Variants in PICALM observed in about 807,000 individuals in gnomAD.
PICALM encodes phosphatidylinositol binding clathrin assembly protein, also known as phosphatidylinositol-binding clathrin assembly protein.
Under a neutral mutation model 80.5 loss-of-function variants are expected in PICALM, and 40 were observed. The observed-to-expected ratio is 0.50, with a 90% confidence interval of 0.39 to 0.65. The LOEUF is 0.65. PICALM is among the 30% of genes least tolerant of loss of function. PICALM has a pLI of 0.00. For synonymous variants in PICALM, 288 were observed against 260.3 expected (o/e 1.11, Z -1.02); for missense variants, 676 against 778.9 (o/e 0.87, Z 1.57).
intron 19 of PICALM, among the ~76,000 whole-genome samples, chr11:85,971,945 G>A (rs1034318842): frequency 2.0e-5 from 3 of 151,898 alleles, no homozygotes; most frequent in Non-Finnish European, 2.9e-5. Context: ...ACCAAGCCCA[G>A]CAATTTTTTG....
At chr11:85,974,621 G>C (rs1439387630) in intron 19 of PICALM, 87 bp downstream of exon 19, 1 of 865,802 alleles carries the variant, frequency 1.2e-6, no homozygotes, top group African/African-American at 1.7e-5. Context: ...CTAGTAACTT[G>C]TTTCTCAAGT....
At chr11:86,020,447 T>C (rs534079024) in intron 4 of PICALM, among the ~76,000 whole-genome samples, 5 of 108,600 alleles carry the variant, frequency 4.6e-5, no homozygotes, top group South Asian at 5.6e-4. Flanking sequence ...AAAAAAAGAA[T>C]AGAATTGGAA....
chr11:86,007,995 C>T lies in PICALM; in HGVS notation c.766-412G>A, dbSNP rs577828688. ...ATTTAAGAAACAAACCTGAAGACAT[C>T]GACTTTGTCTTTCTCCATAAAACAT... On this transcript the variant is annotated intron_variant, in intron 7 of 19. Coordinates refer to ENST00000393346, the MANE Select transcript of PICALM (RefSeq NM_007166.4). Among the ~76,000 whole-genome samples, 8 of 152,052 alleles carry T rather than the reference C, an allele frequency of 5.3e-5. 1 individual carries two copies. Among genetic ancestry groups the T allele is most frequent in the Admixed American group, 4.6e-4 (7 of 15,262 alleles).
intron 5 of PICALM, among the ~76,000 whole-genome samples, chr11:86,014,501 T>C (rs970884781): frequency 1.3e-5 from 2 of 152,250 alleles, no homozygotes; most frequent in East Asian, 1.9e-4. Flanking sequence ...ATAATTGCCA[T>C]GCTTTGAGTC....
chr11:86,069,545 G>T (rs1006904399), upstream of PICALM: 1 of 152,344 alleles, frequency 6.6e-6, no homozygotes, highest in Non-Finnish European at 1.5e-5. Flanking sequence ...GAAGTGGGGG[G>T]TATTAGGCCT....
intron 1 of PICALM, among the ~76,000 whole-genome samples, chr11:86,062,771 A>G (rs1403246123): frequency 6.6e-6 from 1 of 152,256 alleles, no homozygotes; most frequent in Non-Finnish European, 1.5e-5. Flanking sequence ...AATGATTCAC[A>G]TACACAGTGA....
rs79352254 is a variant in PICALM at position 85,970,796 on chromosome 11, C to A, written c.1944+3912G>T. ...CCAGCCTGGGGGACAGAGTGAGACT[C>A]CATTACCCACACACAAAAAAGATTC... is the stretch of plus-strand genomic sequence containing the variant. On this transcript the variant is annotated intron_variant, in intron 19 of 19. Transcript: ENST00000393346. Among the ~76,000 whole-genome samples, 1,172 of 152,272 alleles carry A rather than the reference C, an allele frequency of 7.7e-3. 15 individuals carry two copies. The highest frequency in any genetic ancestry group is 0.027 in the African/African-American group (1,125 of 41,556).
intron 3 of PICALM, among the ~76,000 whole-genome samples, chr11:86,023,002 G>T (rs1240815937): frequency 1.3e-5 from 2 of 152,114 alleles, no homozygotes; most frequent in Non-Finnish European, 1.5e-5. Context: ...ACAATTATAT[G>T]AATGTTTTCA....
chr11:85,983,158 T>G (rs2094492092), intron 14 of PICALM, among the ~76,000 whole-genome samples: 1 of 152,214 alleles, frequency 6.6e-6, no homozygotes, highest in Non-Finnish European at 1.5e-5. Flanking sequence ...TGTTATAAAA[T>G]TAAGAACATC....
intron 9 of PICALM, among the ~76,000 whole-genome samples, chr11:86,001,445 A>G (rs994440423): frequency 1.3e-5 from 2 of 152,362 alleles, no homozygotes; most frequent in African/African-American, 4.8e-5. Flanking sequence ...CCAAGCCCCA[A>G]GAGAGGAAAC....
At chr11:85,962,302 C>T (rs2093715643) in intron 19 of PICALM, among the ~76,000 whole-genome samples, 1 of 152,172 alleles carries the variant, frequency 6.6e-6, no homozygotes, top group African/African-American at 2.4e-5. Flanking sequence ...AACATCCACA[C>T]TTATCTCCAA....
At chr11:85,972,046 G>A (rs1485693704) in intron 19 of PICALM, among the ~76,000 whole-genome samples, 2 of 152,052 alleles carry the variant, frequency 1.3e-5, no homozygotes, top group African/African-American at 4.8e-5. Flanking sequence ...GCTTCCCAAA[G>A]TGCTGGGACT....
chr11:85,965,576 T>C (rs2093848215), intron 19 of PICALM, among the ~76,000 whole-genome samples: 1 of 152,158 alleles, frequency 6.6e-6, no homozygotes, highest in South Asian at 2.1e-4. Flanking sequence ...TTCATTTATT[T>C]ATATTAAAGA....
intron 11 of PICALM, among the ~76,000 whole-genome samples, chr11:85,997,980 C>T (rs957501593): frequency 3.3e-5 from 5 of 152,206 alleles, no homozygotes; most frequent in African/African-American, 1.2e-4. Context: ...CAGGGTTTCA[C>T]CACACTGCCC....
intron 4 of PICALM, among the ~76,000 whole-genome samples, chr11:86,015,414 A>G (rs1275476737): frequency 6.6e-6 from 1 of 152,218 alleles, no homozygotes; most frequent in African/African-American, 2.4e-5. Context: ...GCTCTGTTTT[A>G]TTTAAAGTAT....
intron 19 of PICALM, among the ~76,000 whole-genome samples, chr11:85,970,914 G>T (rs750262762): frequency 1.3e-5 from 2 of 152,172 alleles, no homozygotes; most frequent in Admixed American, 6.5e-5. Flanking sequence ...AAATCGGGGA[G>T]GCAGAGAACA....
At chr11:85,974,383 T>C (rs959331003) in intron 19 of PICALM, 3 of 502,718 alleles carry the variant, frequency 6.0e-6, no homozygotes, top group African/African-American at 2.0e-5. Context: ...TCTGAGTTAA[T>C]GGTTTTGAGG....
At chr11:85,959,624 A>G (rs947377669) in intron 19 of PICALM, among the ~76,000 whole-genome samples, 22 of 99,764 alleles carry the variant, frequency 2.2e-4, no homozygotes, top group Non-Finnish European at 3.9e-4. Flanking sequence ...CAAGAGCGAA[A>G]CTCCATCTCA....
At chr11:86,052,751 A>T (rs1264247045) in intron 1 of PICALM, among the ~76,000 whole-genome samples, 1 of 152,228 alleles carries the variant, frequency 6.6e-6, no homozygotes, top group Non-Finnish European at 1.5e-5. Flanking sequence ...GTAGCCAAAA[A>T]GCTATATCTA....
Sources: allele counts gnomAD v4.1 joint callset (sites outside exome capture counted in the v4.1 genomes callset), GRCh38; gene constraint gnomAD v4.1.1; transcripts MANE v1.5; gene names NCBI Gene and HGNC (gene_info 2026-07-23, HGNC 2026-07-21).